Variants in HNRNPF observed in about 807,000 individuals in gnomAD.
HNRNPF encodes HnRNP F protein.
HNRNPF carries 2 observed loss-of-function variants against 26.0 expected under a neutral mutation model. The observed-to-expected ratio is 0.08, with a 90% CI of 0.03 to 0.24. The LOEUF is 0.24. Among genes scored for constraint, HNRNPF ranks in the 10% least tolerant of loss-of-function variants. The probability of loss-of-function intolerance (pLI) is 1.00; values close to 1 mark genes in which losing one functional copy is unlikely to be tolerated. For synonymous variants in HNRNPF, 234 were observed against 211.5 expected (o/e 1.11, Z -0.92); for missense variants, 299 against 539.2 (o/e 0.55, Z 4.41).
chr10:43,392,089 CA>C (rs1838272984), intron 3 of HNRNPF, among the ~76,000 whole-genome samples: 2 of 152,214 alleles, frequency 1.3e-5, no homozygotes, highest in African/African-American at 4.8e-5. Context: ...ACCAAAAATA[CA>C]AAAATTAGCC....
chr10:43,391,057 C>G (rs563208980), intron 3 of HNRNPF, among the ~76,000 whole-genome samples: 1 of 152,128 alleles, frequency 6.6e-6, no homozygotes, highest in Non-Finnish European at 1.5e-5. Flanking sequence ...ATAATCCTAG[C>G]ACTTTGGGAG....
intron 2 of HNRNPF, among the ~76,000 whole-genome samples, chr10:43,396,214 G>A (rs1838504631): frequency 6.6e-6 from 1 of 152,242 alleles, no homozygotes; most frequent in Admixed American, 6.5e-5. Context: ...TCGGCTATCT[G>A]CAGAGTAAAC....
chr10:43,400,918 C>T (rs1838734252), intron 1 of HNRNPF, among the ~76,000 whole-genome samples: 1 of 148,650 alleles, frequency 6.7e-6, no homozygotes, highest in Non-Finnish European at 1.5e-5. Flanking sequence ...CTCGTCTCTA[C>T]TAAAAATACA....
At chr10:43,389,520 G>T (rs1838161608) in intron 3 of HNRNPF, among the ~76,000 whole-genome samples, 1 of 152,200 alleles carries the variant, frequency 6.6e-6, no homozygotes, top group South Asian at 2.1e-4. Flanking sequence ...TGTAGCCATT[G>T]CAGATAATGA....
intron 1 of HNRNPF, among the ~76,000 whole-genome samples, chr10:43,407,318 C>T (rs1257946721): frequency 7.2e-5 from 11 of 151,940 alleles, no homozygotes; most frequent in African/African-American, 2.7e-4. Flanking sequence ...CCCCCAGCGC[C>T]CGCGAGCAGT....
At position 43,387,240 on chromosome 10, in the gene HNRNPF, A is replaced by G; in HGVS notation, c.645T>C (p.Thr215=). The G allele has an allele frequency of 1.9e-6, 3 of 1,614,194 alleles. No homozygotes were observed. The highest frequency in any genetic ancestry group is 1.1e-5 in the South Asian group (1 of 91,088). The change falls in exon 4 of 4, where the codon ACT becomes ACC. Residue 215 remains threonine, a synonymous_variant. Coordinates refer to ENST00000682386, the MANE Select transcript of HNRNPF (RefSeq NM_001098204.2). The surrounding 1 kb of genome is among the most constrained non-coding windows in gnomAD (Gnocchi z 6.0). Reference sequence around the variant, plus strand: ...TCACGATGCCAATGTACCTCCTGGCAGTCCCGGGCCGGTCATAGGGCCCTG... The same window carrying G: ...TCACGATGCCAATGTACCTCCTGGCGGTCCCGGGCCGGTCATAGGGCCCTG... ...QRPGPYDRPG[T]ARRYIGIVKQ...
rs1838393327 is a variant in HNRNPF, at chr10:43,394,699, AAC to A, written c.-111-13_-111-12del. 6.6e-6 allele frequency: 1 copy of A among 152,156 alleles called. No individual in the cohort carries two copies. Among genetic ancestry groups the A allele is most frequent in the South Asian group, 2.1e-4 (1 of 4,824 alleles). The allele number at this position is 152,156 out of a possible 1,614,324, so 9.4% of individuals were successfully genotyped here. A position where few individuals can be genotyped will look rare whatever the true frequency, so the allele number is the denominator to read the frequency against. The stretch of plus-strand genomic sequence containing the variant: ...TGGTAATGAAATGTCCTAAAAAAAA[AAC>A]AGAGCGATATTGGCTGTGTGGTCTC... On this transcript the variant is annotated splice_polypyrimidine_tract_variant and intron_variant, in intron 2 of 3. Coordinates refer to ENST00000682386, the MANE Select transcript of HNRNPF (RefSeq NM_001098204.2).
At chr10:43,393,019 A>T (rs899428597) in intron 3 of HNRNPF, among the ~76,000 whole-genome samples, 1 of 152,190 alleles carries the variant, frequency 6.6e-6, no homozygotes, top group Non-Finnish European at 1.5e-5. Flanking sequence ...CCAAGCCCTC[A>T]AATCCAATCA....
At chr10:43,402,404 C>T (rs1413993215) in intron 1 of HNRNPF, among the ~76,000 whole-genome samples, 1 of 152,178 alleles carries the variant, frequency 6.6e-6, no homozygotes, top group Non-Finnish European at 1.5e-5. Flanking sequence ...GCTTCTCTTG[C>T]TGCCTCCATC....
intron 1 of HNRNPF, among the ~76,000 whole-genome samples, chr10:43,407,456 G>A (rs962756797): frequency 4.6e-5 from 7 of 152,126 alleles, no homozygotes; most frequent in African/African-American, 1.4e-4. Context: ...CGCCTAGGGG[G>A]AGGGGTTCCC....
chr10:43,387,865 C>G lies in HNRNPF; in HGVS notation c.20G>C (p.Gly7Ala). Residue 7 changes from glycine to alanine, a missense_variant, in exon 4 of 4, where the codon GGA (glycine) becomes GCA (alanine). Physicochemically the swap from Gly to Ala is moderately conservative, Grantham distance 60. Around this residue, in one of 6 missense-constraint regions of HNRNPF, gnomAD observed 104 missense variants for 239.0 expected, o/e 0.44. Coordinates refer to ENST00000682386, the MANE Select transcript of HNRNPF (RefSeq NM_001098204.2). The surrounding 1 kb of genome is among the most constrained non-coding windows in gnomAD (Gnocchi z 6.0). MMLGPEGGEGFVVKLRG... is the reference protein window; with the variant it reads MMLGPEAGEGFVVKLRG... ...GAGCTTGACCACAAAGCCTTCACCT[C>G]CCTCAGGGCCCAGCATCATGGACAC... The G allele has an allele frequency of 6.2e-7, 1 of 1,610,022 alleles. No homozygotes were observed. Among genetic ancestry groups the G allele is most frequent in the South Asian group, 1.1e-5 (1 of 91,042 alleles).
intron 1 of HNRNPF, among the ~76,000 whole-genome samples, chr10:43,405,521 T>C (rs538331675): frequency 6.6e-6 from 1 of 152,236 alleles, no homozygotes; most frequent in South Asian, 2.1e-4. Flanking sequence ...CCGGGCATGG[T>C]GGCGGCCGCC....
intron 1 of HNRNPF, among the ~76,000 whole-genome samples, chr10:43,402,627 T>C (rs565595592): frequency 1.3e-5 from 2 of 152,288 alleles, no homozygotes; most frequent in Admixed American, 1.3e-4. Context: ...AAAACTAACT[T>C]CTGAATTCTA....
At chr10:43,397,659 A>AT (rs1013650033) in intron 1 of HNRNPF, among the ~76,000 whole-genome samples, 4 of 152,196 alleles carry the variant, frequency 2.6e-5, no homozygotes, top group Admixed American at 2.0e-4. Context: ...TTGAAAAAAA[A>AT]TTTTTTTAAC....
chr10:43,402,418 G>A (rs1251726839), intron 1 of HNRNPF, among the ~76,000 whole-genome samples: 1 of 152,100 alleles, frequency 6.6e-6, no homozygotes, highest in African/African-American at 2.4e-5. Context: ...CTCCATCTGT[G>A]TCTTTTTCTC....
At chr10:43,390,678 C>T (rs980700537) in intron 3 of HNRNPF, among the ~76,000 whole-genome samples, 3 of 152,166 alleles carry the variant, frequency 2.0e-5, no homozygotes, top group Admixed American at 1.3e-4. Flanking sequence ...CTTAACTGTA[C>T]GCGCCCAGTA....
chr10:43,387,228 GTA>G lies in HNRNPF; in HGVS notation c.655_656del (p.Tyr219HisfsTer32), dbSNP rs747898646. The G allele has an allele frequency of 6.2e-7, 1 of 1,614,206 alleles. No homozygotes were observed. Among genetic ancestry groups the G allele is most frequent in the African/African-American group, 1.3e-5 (1 of 75,052 alleles). On this transcript the variant is annotated frameshift_variant, in exon 4 of 4. Transcript: ENST00000682386. LOFTEE classifies it high-confidence loss of function. This position sits in a 1 kb window ranked among gnomAD's most constrained non-coding sequence, Gnocchi z 6.0. Reference protein sequence around the residue: ...PYDRPGTARRYIGIVKQAGLE... With the variant: ...PYDRPGTARRXIGIVKQAGLE... ...GGCCTGCCTGCTTCACGATGCCAAT[GTA>G]CCTCCTGGCAGTCCCGGGCCGGTCA... is the stretch of plus-strand genomic sequence containing the variant.
At chr10:43,389,356 T>C (rs1173028203) in intron 3 of HNRNPF, among the ~76,000 whole-genome samples, 1 of 152,126 alleles carries the variant, frequency 6.6e-6, no homozygotes, top group East Asian at 1.9e-4. Flanking sequence ...GGGCTCATCA[T>C]GTGGGGAAAA....
chr10:43,387,097 T>C lies in HNRNPF; in HGVS notation c.788A>G (p.Asp263Gly). ...CATTCCGGAGAGACAGTAGCTGAGG[T>C]CTCTCCCGAACAGGTCGGTGGTGAA... ...YGFTTDLFGR[D>G]LSYCLSGMYD... is the part of the protein sequence containing the mutation. The change falls in exon 4 of 4, where the codon GAC becomes GGC. Residue 263 changes from aspartate to glycine, a missense_variant. By Grantham distance (94) the Asp-to-Gly change is moderately conservative. Around this residue, in one of 6 missense-constraint regions of HNRNPF, gnomAD observed 74 missense variants for 77.7 expected, o/e 0.95. Transcript: ENST00000682386. This position sits in a 1 kb window ranked among gnomAD's most constrained non-coding sequence, Gnocchi z 6.0. 6.2e-7 allele frequency: 1 copy of C among 1,613,418 alleles called. No homozygotes were observed. Among genetic ancestry groups the C allele is most frequent in the Non-Finnish European group, 8.5e-7 (1 of 1,179,992 alleles).
Sources: gnomAD v4.1 joint callset for allele counts (sites outside exome capture counted in the v4.1 genomes callset) on GRCh38, gnomAD v4.1.1 for gene constraint, gnomAD v4.1.1 regional missense constraint, Gnocchi (gnomAD v3.1) non-coding constraint, MANE v1.5 for transcripts, NCBI Gene and HGNC (gene_info 2026-07-23, HGNC 2026-07-21) for gene names.